Variants in PCNX1 observed in about 807,000 individuals in gnomAD.
PCNX1 encodes the protein pecanex-like protein 1.
In PCNX1, 78 loss-of-function variants were observed where a neutral mutation model predicts 242.2. That is an observed-to-expected ratio of 0.32 (90% CI 0.27 to 0.39). The LOEUF is 0.39. Among genes scored for constraint, PCNX1 ranks in the 10% least tolerant of loss-of-function variants. PCNX1 has a pLI of 1.00. For missense variants in PCNX1, 2,581 were observed against 2,856.5 expected (o/e 0.90, Z 2.20); for synonymous variants, 1,024 against 1,032.9 (o/e 0.99, Z 0.17).
intron 18 of PCNX1, among the ~76,000 whole-genome samples, chr14:71,035,824 G>A (rs1356139897): frequency 3.3e-5 from 5 of 152,086 alleles, no homozygotes; most frequent in African/African-American, 9.7e-5. Context: ...CAGGAGAATC[G>A]CTTGAACCCA....
chr14:70,918,965 C>G (rs1172351202), intron 1 of PCNX1, among the ~76,000 whole-genome samples: 2 of 151,146 alleles, frequency 1.3e-5, no homozygotes, highest in African/African-American at 4.9e-5. Context: ...CCTTCAGCTT[C>G]AAACTCATAG....
At chr14:70,986,665 A>G (rs2059011019) in intron 6 of PCNX1, among the ~76,000 whole-genome samples, 2 of 152,192 alleles carry the variant, frequency 1.3e-5, no homozygotes, top group Non-Finnish European at 2.9e-5. Flanking sequence ...ATCCTTCAGA[A>G]TAATTTTGGT....
chr14:71,058,210 G>A (rs995076652), intron 26 of PCNX1, among the ~76,000 whole-genome samples: 12 of 152,114 alleles, frequency 7.9e-5, no homozygotes, highest in Non-Finnish European at 4.4e-5. Context: ...TCACAGGAGC[G>A]TTTAGTACAT....
intron 6 of PCNX1, among the ~76,000 whole-genome samples, chr14:70,983,235 G>T (rs1453357065): frequency 6.6e-6 from 1 of 152,172 alleles, no homozygotes; most frequent in Non-Finnish European, 1.5e-5. Flanking sequence ...AGCTATATTT[G>T]TTTGGCTGGT....
chr14:70,947,386 C>T lies in PCNX1; in HGVS notation c.362+263C>T, dbSNP rs191497286. ...TACTGTTGCGGGAAGACAGGGACCC[C>T]GAACAGAGGGACCAGCTGAAGCCAT... On this transcript the variant is annotated intron_variant, in intron 2 of 35. Coordinates refer to ENST00000304743, the MANE Select transcript of PCNX1 (RefSeq NM_014982.3). 1.3e-4 allele frequency among the ~76,000 whole-genome samples: 20 copies of T among 152,194 alleles called. No homozygotes were observed. In the East Asian group the frequency reaches 1.7e-3, roughly 13 times the overall value.
At chr14:71,076,162 C>CTTTTTTTT in intron 27 of PCNX1, 27 bp from the exon 28 acceptor site, 1 of 1,167,478 alleles carries the variant, frequency 8.6e-7, no homozygotes, top group African/African-American at 1.6e-5. Context: ...AATCTGAATT[C>CTTTTTTTT]TTTTTTTTTT....
Position 70,908,922 on chromosome 14 carries a change from AGGGAAACTCGT to A in PCNX1, c.153+921_153+931del, listed in dbSNP as rs368824169. On this transcript the variant is annotated intron_variant, in intron 1 of 35. Coordinates refer to ENST00000304743, the MANE Select transcript of PCNX1 (RefSeq NM_014982.3). ...AAAGCACAGGTTAGGGTGGGGCGTTAGGGAAACTCGTGTGGACAGAGATGTTACTTAAGGCT... is the reference window on the plus strand; with the variant it reads ...AAAGCACAGGTTAGGGTGGGGCGTTAGTGGACAGAGATGTTACTTAAGGCT... 1.3e-3 allele frequency among the ~76,000 whole-genome samples: 201 copies of A among 152,360 alleles called. 1 individual carries two copies. The highest frequency in any genetic ancestry group is 7.0e-3 in the South Asian group (34 of 4,830).
chr14:70,915,326 T>A (rs2056108285), intron 1 of PCNX1, among the ~76,000 whole-genome samples: 1 of 152,168 alleles, frequency 6.6e-6, no homozygotes. Flanking sequence ...ATGTTTTAAT[T>A]TAAAAATCTT....
intron 30 of PCNX1, among the ~76,000 whole-genome samples, chr14:71,098,401 A>C (rs928415840): frequency 6.6e-6 from 1 of 152,126 alleles, no homozygotes; most frequent in African/African-American, 2.4e-5. Context: ...TGATTCATCC[A>C]GTCCATAAGC....
Position 70,978,430 on chromosome 14 carries a change from T to C in PCNX1, c.2093T>C (p.Val698Ala). ...ARVLSLDSGTVACLNDSNRLM... is the reference protein window; with the variant it reads ...ARVLSLDSGTAACLNDSNRLM... ...GTGTTGAGCCTGGACAGTGGCACAG[T>C]AGCATGTTTGAATGACTCAAACAGG... The change falls in exon 6 of 36, where the codon GTA becomes GCA. Residue 698 changes from valine to alanine, a missense_variant. Val to Ala is a moderately conservative substitution (Grantham distance 64). Transcript: ENST00000304743. The C allele has an allele frequency of 1.2e-5, 19 of 1,614,162 alleles. No homozygotes were observed. The highest frequency in any genetic ancestry group is 1.5e-5 in the Non-Finnish European group (18 of 1,180,010).
At position 71,025,508 on chromosome 14, in the gene PCNX1, C is replaced by T. The variant is rs368967238; in HGVS notation, c.3184-609C>T. Among the ~76,000 whole-genome samples, 537 of 152,038 alleles carry T rather than the reference C, an allele frequency of 3.5e-3. 1 individual carries two copies. Among genetic ancestry groups the T allele is most frequent in the African/African-American group, 0.013 (521 of 41,456 alleles). On this transcript the variant is annotated intron_variant, in intron 13 of 35. Transcript: ENST00000304743. The stretch of plus-strand genomic sequence containing the variant: ...AATCATTATTGCTAGAATCTCATTG[C>T]ATCTAGGTCCTCTTAGTGGATAAAG...
At chr14:71,088,251 T>G in intron 28 of PCNX1, 79 bp from the exon 29 acceptor site, 1 of 729,002 alleles carries the variant, frequency 1.4e-6, no homozygotes, top group Non-Finnish European at 2.4e-6. Flanking sequence ...CTTTATCATT[T>G]CGCTATATTA....
chr14:70,925,341 C>G (rs987288132), intron 1 of PCNX1, among the ~76,000 whole-genome samples: 1 of 152,134 alleles, frequency 6.6e-6, no homozygotes, highest in African/African-American at 2.4e-5. Flanking sequence ...ATCTTTATGT[C>G]TGTGTTAAAT....
chr14:71,099,095 C>G (rs144158859), intron 30 of PCNX1, among the ~76,000 whole-genome samples: 147 of 151,578 alleles, frequency 9.7e-4, no homozygotes, highest in African/African-American at 3.3e-3. Context: ...TTTCAGAGAT[C>G]TTCTTGGTAT....
At chr14:71,003,077 C>CT (rs1257251746) in intron 8 of PCNX1, among the ~76,000 whole-genome samples, 11 of 82,656 alleles carry the variant, frequency 1.3e-4, no homozygotes, top group African/African-American at 7.1e-4. Flanking sequence ...TGTTGGTTGT[C>CT]TTCTTTTTTT....
chr14:70,915,485 C>T (rs1197087456), intron 1 of PCNX1, among the ~76,000 whole-genome samples: 1 of 152,068 alleles, frequency 6.6e-6, no homozygotes, highest in Non-Finnish European at 1.5e-5. Context: ...ACTTTGATTA[C>T]AAAAATGGGC....
intron 5 of PCNX1, among the ~76,000 whole-genome samples, chr14:70,975,357 T>C (rs890007015): frequency 1.3e-5 from 2 of 152,194 alleles, no homozygotes; most frequent in African/African-American, 4.8e-5. Context: ...TTTACTTATC[T>C]TGAAAACTTT....
rs1161424471 is a variant in PCNX1, at chr14:70,907,887, G to A, written c.37G>A (p.Val13Met). 1 of 1,562,222 alleles carries A rather than the reference G, an allele frequency of 6.4e-7. No individual in the cohort carries two copies. The highest frequency in any genetic ancestry group is 1.4e-5 in the African/African-American group (1 of 71,418). ...GACGCTGCAGATCCTCCGACAGGGG[G>A]TGTGGGCCGCGCTCAGCGGGGGCTG... is the stretch of plus-strand genomic sequence containing the variant. ...SQTLQILRQG[V>M]WAALSGGWYY... Residue 13 changes from valine (V) to methionine (M), a missense_variant, in exon 1 of 36, where the codon GTG becomes ATG. Around this residue, in one of 9 missense-constraint regions of PCNX1, gnomAD observed 1,204 missense variants for 1,216.7 expected, o/e 0.99. Coordinates refer to ENST00000304743, the MANE Select transcript of PCNX1 (RefSeq NM_014982.3).
chr14:70,910,205 TC>T (rs2055824245), intron 1 of PCNX1, among the ~76,000 whole-genome samples: 1 of 32,246 alleles, frequency 3.1e-5, no homozygotes, highest in African/African-American at 1.2e-4. Context: ...CTCCTCCTCC[TC>T]GTCCTCCTCC....
Sources: allele counts gnomAD v4.1 joint callset (sites outside exome capture counted in the v4.1 genomes callset), GRCh38; gene constraint gnomAD v4.1.1; regional missense constraint gnomAD v4.1.1; transcripts MANE v1.5; gene names NCBI Gene and HGNC (gene_info 2026-07-23, HGNC 2026-07-21).